The following TRPM2 variants were observed in gnomAD, a reference collection of about 807,000 sequenced individuals.
The protein encoded by TRPM2 is transient receptor potential cation channel subfamily M member 2, also known as estrogen-responsive element-associated gene 1 protein.
Under a neutral mutation model 174.0 loss-of-function variants are expected in TRPM2, and 161 were observed. The ratio of observed to expected loss-of-function variants is 0.93; its 90% CI spans 0.81 to 1.05. TRPM2 has a LOEUF of 1.05. TRPM2 is among the 50% of genes least tolerant of loss of function. The probability of loss-of-function intolerance (pLI) is 0.00; values close to 1 mark genes in which losing one functional copy is unlikely to be tolerated. For missense variants in TRPM2, 2,057 were observed against 2,038.0 expected (o/e 1.01, Z -0.18); for synonymous variants, 954 against 861.3 (o/e 1.11, Z -1.88).
rs45628937 is a variant in TRPM2 at position 44,401,932 on chromosome 21, G to A, written c.2538+35G>A. 6.3e-3 allele frequency: 10,174 copies of A among 1,610,950 alleles called. 573 individuals carry two copies. The African/African-American group carries it at 0.12, about 19-fold the overall frequency. On this transcript the variant is annotated intron_variant, in intron 16 of 31. Transcript: ENST00000397928. ...CACCCGCTTTTCCACGCCCCAGCCC[G>A]GGGCCACCCACTTGGCTGCATTCTC...
intron 16 of TRPM2, among the ~76,000 whole-genome samples, chr21:44,403,996 A>G (rs1601165289): frequency 6.6e-6 from 1 of 151,504 alleles, no homozygotes; most frequent in Admixed American, 6.6e-5. Flanking sequence ...ATACACACAT[A>G]CACATACACA....
At chr21:44,358,930 A>G (rs771339649) in intron 2 of TRPM2, among the ~76,000 whole-genome samples, 1 of 152,226 alleles carries the variant, frequency 6.6e-6, no homozygotes, top group Non-Finnish European at 1.5e-5. Context: ...GAGCGAAAGA[A>G]CAAAGACTCC....
rs888513946 is a variant in TRPM2, at chr21:44,418,260, G to A, written c.3328+152G>A. ...GCCTTCTGCTGGCCTTGAGCAAGTGGTGGGGGCTGAGCCCAGAGGCCCCCT... is the reference window on the plus strand; with the variant it reads ...GCCTTCTGCTGGCCTTGAGCAAGTGATGGGGGCTGAGCCCAGAGGCCCCCT... On this transcript the variant is annotated intron_variant, in intron 21 of 31. Transcript: ENST00000397928. 4 of 1,376,554 alleles carry A rather than the reference G, an allele frequency of 2.9e-6. No homozygotes were observed. In the African/African-American group the frequency reaches 4.4e-5, roughly 15 times the overall value. The allele number at this position is 1,376,554 out of a possible 1,614,324, so 85.3% of individuals were successfully genotyped here. A position where few individuals can be genotyped will look rare whatever the true frequency, so the allele number is the denominator to read the frequency against.
intron 2 of TRPM2, among the ~76,000 whole-genome samples, chr21:44,362,467 G>C (rs1331205144): frequency 6.6e-6 from 1 of 151,182 alleles, no homozygotes; most frequent in Non-Finnish European, 1.5e-5. Context: ...AGCAAAGATC[G>C]GCGCCACTGC....
intron 5 of TRPM2, among the ~76,000 whole-genome samples, chr21:44,372,803 A>T (rs2061805249): frequency 6.6e-6 from 1 of 151,894 alleles, no homozygotes; most frequent in Admixed American, 6.6e-5. Flanking sequence ...GACCGGGGAG[A>T]CCCCTCTGTG....
Position 44,366,827 on chromosome 21 carries a change from T to A in TRPM2, c.497T>A (p.Val166Asp), listed in dbSNP as rs772360902. ...ATGACCCAGCACTGGGGGCTGGACG[T>A]CCCCAATCTCTTGATCTCGGTGACC... ...HLMTQHWGLD[V>D]PNLLISVTGG... Residue 166 changes from valine to aspartate, a missense_variant, in exon 4 of 32, where the codon GTC (valine) becomes GAC (aspartate). Transcript: ENST00000397928. The surrounding 1 kb of genome is among the most constrained non-coding windows in gnomAD (Gnocchi z 6.0). 6.2e-7 allele frequency: 1 copy of A among 1,612,744 alleles called. No homozygotes were observed. Among genetic ancestry groups the A allele is most frequent in the Non-Finnish European group, 8.5e-7 (1 of 1,179,700 alleles).
chr21:44,423,778 C>A, intron 23 of TRPM2, 46 bp downstream of exon 23: 1 of 1,500,406 alleles, frequency 6.7e-7, no homozygotes, highest in Non-Finnish European at 9.1e-7. Context: ...CACTGCTGGG[C>A]CTGGTGGGCG....
chr21:44,401,858 C>A lies in TRPM2; in HGVS notation c.2499C>A (p.Tyr833Ter), dbSNP rs755848487. ...PVPSWCECAI[Y>*]LWLFSLVCEE... is the part of the protein sequence containing the mutation. ...CCTCCTGGTGCGAGTGTGCCATCTA[C>A]CTCTGGCTCTTCTCCTTGGTGTGCG... Residue 833 changes from tyrosine (Y) to a stop codon, truncating the protein, a stop_gained, in exon 16 of 32, where the codon TAC becomes TAA. Transcript: ENST00000397928. LOFTEE classifies it high-confidence loss of function. 1.1e-5 allele frequency: 17 copies of A among 1,613,918 alleles called. No homozygotes were observed. The highest frequency in any genetic ancestry group is 1.4e-5 in the Non-Finnish European group (16 of 1,180,008).
chr21:44,439,250 C>A lies in TRPM2; in HGVS notation c.4269+82C>A. The A allele has an allele frequency of 7.6e-7, 1 of 1,309,986 alleles. No homozygotes were observed. Among genetic ancestry groups the A allele is most frequent in the Non-Finnish European group, 1.1e-6 (1 of 919,442 alleles). 81.1% of individuals were successfully genotyped at this position (1,309,986 alleles called of 1,614,324 possible). ...ACACAGTGTGATACTGGGGACCTGC[C>A]CCAGCACCACTGGGTGGCAGCGGTC... is the stretch of plus-strand genomic sequence containing the variant. On this transcript the variant is annotated intron_variant, in intron 30 of 31. Transcript: ENST00000397928. The surrounding 1 kb of genome is among the most constrained non-coding windows in gnomAD (Gnocchi z 5.1).
At chr21:44,385,860 C>T (rs1014760993) in intron 9 of TRPM2, among the ~76,000 whole-genome samples, 2 of 152,166 alleles carry the variant, frequency 1.3e-5, no homozygotes, top group African/African-American at 4.8e-5. Context: ...TGAGAACTTA[C>T]TACCATGAGA....
At chr21:44,428,359 C>T (rs1235455499) in intron 27 of TRPM2, among the ~76,000 whole-genome samples, 1 of 152,168 alleles carries the variant, frequency 6.6e-6, no homozygotes, top group South Asian at 2.1e-4. Context: ...TAAGATCTGG[C>T]CCCTCCCCTG....
In TRPM2 at chr21:44,397,820, C is replaced by A. The variant is rs369352270; in HGVS notation, c.2006C>A (p.Thr669Lys). 6.2e-7 allele frequency: 1 copy of A among 1,607,778 alleles called. No homozygotes were observed. The highest frequency in any genetic ancestry group is 1.1e-5 in the South Asian group (1 of 89,760). Residue 669 changes from threonine (T) to lysine (K), a missense_variant, in exon 13 of 32, where the codon ACG (threonine) becomes AAG (lysine). By Grantham distance (78) the Thr-to-Lys change is moderately conservative. Transcript: ENST00000397928. The stretch of plus-strand genomic sequence containing the variant: ...GAACTGTCCAAGGAGGAGGAGGACA[C>A]GGACAGCTCGGAGGAGATGCTGGCG... The part of the protein sequence containing the change: ...LKELSKEEED[T>K]DSSEEMLALA...
chr21:44,418,779 C>T (rs1302925931), intron 22 of TRPM2, among the ~76,000 whole-genome samples: 4 of 151,892 alleles, frequency 2.6e-5, no homozygotes, highest in East Asian at 1.9e-4. Flanking sequence ...CCCCACAGGG[C>T]GCAGGGTCAG....
chr21:44,351,268 T>C (rs2047922649), upstream of TRPM2, among the ~76,000 whole-genome samples: 1 of 152,094 alleles, frequency 6.6e-6, no homozygotes, highest in South Asian at 2.1e-4. Context: ...GTCTTCCCGC[T>C]GCCACCCCTG....
At chr21:44,384,582 TG>T in intron 9 of TRPM2, among the ~76,000 whole-genome samples, 1 of 152,210 alleles carries the variant, frequency 6.6e-6, no homozygotes. Flanking sequence ...AATCCATTCA[TG>T]AAGGCTTTGC....
chr21:44,358,399 A>G (rs1218940969), intron 2 of TRPM2, among the ~76,000 whole-genome samples: 1 of 152,180 alleles, frequency 6.6e-6, no homozygotes. Flanking sequence ...GGTGGCAGGA[A>G]GGAGCCCAGG....
intron 13 of TRPM2, 49 bp downstream of exon 13, chr21:44,397,925 C>G: frequency 6.6e-7 from 1 of 1,521,064 alleles, no homozygotes; most frequent in Non-Finnish European, 8.8e-7. Flanking sequence ...GCCGTGCATG[C>G]CCTCACCTGG....
At chr21:44,385,816 A>G (rs1732572834) in intron 9 of TRPM2, among the ~76,000 whole-genome samples, 1 of 152,184 alleles carries the variant, frequency 6.6e-6, no homozygotes, top group Non-Finnish European at 1.5e-5. Flanking sequence ...CCAAATGAAG[A>G]AGGAAGAGCC....
At position 44,409,622 on chromosome 21, in the gene TRPM2, CTG is replaced by C. The variant is rs1569082918; in HGVS notation, c.2962+2858_2962+2859del. Among the ~76,000 whole-genome samples, 29 of 141,328 alleles carry C rather than the reference CTG, an allele frequency of 2.1e-4. 2 individuals carry two copies. In the Middle Eastern group the frequency reaches 0.012, roughly 57 times the overall value. 92.7% of individuals were successfully genotyped at this position (141,328 alleles called of 152,430 possible). A position where few individuals can be genotyped will look rare whatever the true frequency, so the allele number is the denominator to read the frequency against. ...GGCGTAGCCTTGTAGTGAGTTTTGA[CTG>C]CACTGTCTTGGCGTAGCCTTGTAGT... On this transcript the variant is annotated intron_variant, in intron 19 of 31. Transcript: ENST00000397928.
Sources: gnomAD v4.1 joint callset for allele counts (sites outside exome capture counted in the v4.1 genomes callset) on GRCh38, gnomAD v4.1.1 for gene constraint, Gnocchi (gnomAD v3.1) non-coding constraint, MANE v1.5 for transcripts, NCBI Gene and HGNC (gene_info 2026-07-23, HGNC 2026-07-21) for gene names.